SPIDR: variants seen among roughly 807,000 people sequenced by gnomAD.
The protein encoded by SPIDR is scaffold protein involved in DNA repair.
In SPIDR, 93 loss-of-function variants were observed where a neutral mutation model predicts 104.6. The ratio of observed to expected loss-of-function variants is 0.89; its 90% CI spans 0.75 to 1.06. The LOEUF (loss-of-function observed/expected upper bound fraction) is 1.06, where lower values mean the gene tolerates loss of function less well. SPIDR is among the 50% of genes least tolerant of loss of function. SPIDR has a pLI of 0.00. For synonymous variants in SPIDR, 431 were observed against 416.9 expected (o/e 1.03, Z -0.41); for missense variants, 1,154 against 1,111.2 (o/e 1.04, Z -0.55).
At chr8:47,558,407 C>G (rs1255713545) in intron 8 of SPIDR, among the ~76,000 whole-genome samples, 3 of 152,002 alleles carry the variant, frequency 2.0e-5, no homozygotes, top group Non-Finnish European at 4.4e-5. Context: ...TTAAACAGAG[C>G]TCTTTTCTTG....
In SPIDR at chr8:47,291,118, A is replaced by G; in HGVS notation, c.342A>G (p.Thr114=). ...GTGATTTGTCGGATGAAGATAAGAC[A>G]CTTTCTCAGTTACAGAGAGGTAATG... ...SGSDLSDEDK[T]LSQLQRDELQ... The change falls in exon 4 of 20, where the codon ACA becomes ACG. Residue 114 remains threonine (T), a synonymous_variant. Transcript: ENST00000297423. 1 of 1,612,562 alleles carries G rather than the reference A, an allele frequency of 6.2e-7. No individual in the cohort carries two copies.
chr8:47,734,707 C>A (rs1178805322), intron 19 of SPIDR, among the ~76,000 whole-genome samples: 1 of 152,212 alleles, frequency 6.6e-6, no homozygotes, highest in Non-Finnish European at 1.5e-5. Flanking sequence ...GTGCACCACA[C>A]CCTCTCAGCC....
intron 10 of SPIDR, chr8:47,659,529 A>G (rs895258467): frequency 6.4e-6 from 1 of 155,914 alleles, no homozygotes; most frequent in African/African-American, 2.4e-5. Context: ...GAAGAAGAAC[A>G]CAATGTCCTG....
At chr8:47,582,994 T>C (rs973669664) in intron 8 of SPIDR, among the ~76,000 whole-genome samples, 26 of 152,080 alleles carry the variant, frequency 1.7e-4, no homozygotes, top group African/African-American at 6.3e-4. Context: ...TTGTGTAGTT[T>C]ATTTGTGTGT....
intron 5 of SPIDR, among the ~76,000 whole-genome samples, chr8:47,365,285 C>G (rs529194056): frequency 6.6e-6 from 1 of 152,298 alleles, no homozygotes; most frequent in African/African-American, 2.4e-5. Context: ...TCACACCTGT[C>G]CCCATTTACC....
chr8:47,267,770 A>G (rs141437537), intron 1 of SPIDR, among the ~76,000 whole-genome samples: 2 of 152,330 alleles, frequency 1.3e-5, no homozygotes, highest in East Asian at 3.9e-4. Context: ...GTATGATTGC[A>G]GATATTTTCT....
rs143821714 is a variant in SPIDR at position 47,600,224 on chromosome 8, A to G, written c.1544+1028A>G. Among the ~76,000 whole-genome samples the G allele has an allele frequency of 3.0e-3, 462 of 152,302 alleles. 8 individuals carry two copies. Among genetic ancestry groups the G allele is most frequent in the Admixed American group, 0.026 (400 of 15,302 alleles). On this transcript the variant is annotated intron_variant, in intron 10 of 19. Coordinates refer to ENST00000297423, the MANE Select transcript of SPIDR (RefSeq NM_001080394.4). ...AGTGAAGAAATAGTACTTAACAATC[A>G]TCCTGGCCGGGCATGGTTGCTCACA...
chr8:47,552,664 G>C (rs1587652533), intron 8 of SPIDR, among the ~76,000 whole-genome samples: 1 of 152,180 alleles, frequency 6.6e-6, no homozygotes, highest in African/African-American at 2.4e-5. Flanking sequence ...CTCTGCATGT[G>C]AGATGGGTCT....
At chr8:47,678,234 G>A (rs542895503) in intron 11 of SPIDR, among the ~76,000 whole-genome samples, 1 of 152,266 alleles carries the variant, frequency 6.6e-6, no homozygotes, top group African/African-American at 2.4e-5. Flanking sequence ...TAGGGATTTT[G>A]CATTGGTTCC....
At chr8:47,339,371 CAT>C (rs558214441) in intron 5 of SPIDR, among the ~76,000 whole-genome samples, 179 of 152,176 alleles carry the variant, frequency 1.2e-3, no homozygotes, top group East Asian at 3.5e-3. Flanking sequence ...ACTAATTCCC[CAT>C]GTGTGTGTGA....
At chr8:47,434,193 G>T (rs2067865162) in intron 7 of SPIDR, among the ~76,000 whole-genome samples, 1 of 152,204 alleles carries the variant, frequency 6.6e-6, no homozygotes, top group Admixed American at 6.5e-5. Flanking sequence ...CAGTGTTAGA[G>T]TGTTTATTAA....
intron 8 of SPIDR, chr8:47,510,889 C>G: frequency 2.2e-6 from 1 of 456,300 alleles, no homozygotes; most frequent in East Asian, 3.3e-5. Context: ...AATGTTCAAC[C>G]AACACCTAAG....
chr8:47,642,564 T>A (rs188828371), intron 10 of SPIDR, among the ~76,000 whole-genome samples: 253 of 152,302 alleles, frequency 1.7e-3, no homozygotes, highest in African/African-American at 5.9e-3. Context: ...AAAGTGTTAA[T>A]GTTTTTCGTA....
intron 8 of SPIDR, chr8:47,511,882 T>C: frequency 2.5e-6 from 2 of 805,248 alleles, no homozygotes; most frequent in Non-Finnish European, 4.5e-6. Flanking sequence ...GCCTTCCTCC[T>C]CTTCCTCATC....
chr8:47,466,924 G>T (rs1358597197), intron 8 of SPIDR, among the ~76,000 whole-genome samples: 3,085 of 136,406 alleles, frequency 0.023, 100 homozygotes, highest in African/African-American at 0.059. Flanking sequence ...TAGATAGATA[G>T]ATAGATAGAT....
intron 5 of SPIDR, among the ~76,000 whole-genome samples, chr8:47,394,139 T>C (rs562946930): frequency 6.6e-6 from 1 of 152,314 alleles, no homozygotes; most frequent in Non-Finnish European, 1.5e-5. Context: ...ACTCCTGGCC[T>C]CAAGTGATCT....
rs781869708 is a variant in SPIDR at position 47,407,932 on chromosome 8, A to G, written c.848A>G (p.Gln283Arg). 19 of 1,594,534 alleles carry G rather than the reference A, an allele frequency of 1.2e-5. No individual in the cohort carries two copies. Among genetic ancestry groups the G allele is most frequent in the East Asian group, 2.3e-5 (1 of 44,356 alleles). ...ERSAISLWRH[Q>R]CISYQKTLSG... ...TCTGCTATTTCTTTGTGGAGACATC[A>G]ATGTATTTCTTACCAAAAGACACTT... The change falls in exon 7 of 20, where the codon CAA (glutamine) becomes CGA (arginine). Residue 283 changes from glutamine to arginine, a missense_variant. Coordinates refer to ENST00000297423, the MANE Select transcript of SPIDR (RefSeq NM_001080394.4).
At chr8:47,528,955 C>A (rs2085472457) in intron 8 of SPIDR, among the ~76,000 whole-genome samples, 1 of 152,098 alleles carries the variant, frequency 6.6e-6, no homozygotes, top group Non-Finnish European at 1.5e-5. Context: ...ATAAATAAAA[C>A]AAAATCTACG....
intron 7 of SPIDR, among the ~76,000 whole-genome samples, chr8:47,412,030 C>T (rs1171601941): frequency 2.0e-5 from 3 of 152,132 alleles, no homozygotes; most frequent in Non-Finnish European, 4.4e-5. Flanking sequence ...GTTTTGGTAC[C>T]AGTACCATGG....
Sources: allele counts gnomAD v4.1 joint callset (sites outside exome capture counted in the v4.1 genomes callset), GRCh38; gene constraint gnomAD v4.1.1; transcripts MANE v1.5; gene names NCBI Gene and HGNC (gene_info 2026-07-23, HGNC 2026-07-21).